Variants in MYO5A observed in about 807,000 individuals in gnomAD.
MYO5A encodes the protein unconventional myosin-Va.
In MYO5A, 98 loss-of-function variants were observed where a neutral mutation model predicts 249.7. The observed-to-expected ratio is 0.39, with a 90% confidence interval of 0.33 to 0.46. The LOEUF is 0.46. Among genes scored for constraint, MYO5A ranks in the 20% least tolerant of loss-of-function variants. The pLI is 0.98. For synonymous variants in MYO5A, 778 were observed against 810.6 expected, an observed-to-expected ratio of 0.96 and a Z score of 0.68; for missense variants, 1,696 against 2,308.8, an observed-to-expected ratio of 0.73 and a Z score of 5.44.
At chr15:52,500,230 T>C (rs1164671304) in intron 1 of MYO5A, among the ~76,000 whole-genome samples, 1 of 152,212 alleles carries the variant, frequency 6.6e-6, no homozygotes, top group African/African-American at 2.4e-5. Flanking sequence ...TGATATTTCA[T>C]TGTAGGCTAG....
intron 9 of MYO5A, among the ~76,000 whole-genome samples, chr15:52,399,375 G>A (rs940152626): frequency 1.3e-5 from 2 of 152,248 alleles, no homozygotes; most frequent in East Asian, 3.9e-4. Flanking sequence ...GTACCTCACT[G>A]TAGCCTCAAA....
At chr15:52,473,300 T>A (rs2076516828) in intron 1 of MYO5A, among the ~76,000 whole-genome samples, 1 of 152,240 alleles carries the variant, frequency 6.6e-6, no homozygotes, top group Non-Finnish European at 1.5e-5. Context: ...ATTGGCCCTT[T>A]GTCAGATGGA....
At chr15:52,472,510 C>T (rs1344541667) in intron 1 of MYO5A, among the ~76,000 whole-genome samples, 5 of 152,052 alleles carry the variant, frequency 3.3e-5, no homozygotes, top group Non-Finnish European at 4.4e-5. Context: ...TTGTCATTTA[C>T]ATTAGGTATA....
chr15:52,336,580 A>G lies in MYO5A; in HGVS notation c.4315-24T>C, dbSNP rs772208129. 5 of 1,539,508 alleles carry G rather than the reference A, an allele frequency of 3.2e-6. No homozygotes were observed. In the South Asian group the frequency reaches 5.8e-5, roughly 18 times the overall value. On this transcript the variant is annotated intron_variant, in intron 33 of 41. Transcript: ENST00000399233. ...TCCTAAAGATCAAAAAGAGAAATATATTAGAAAAATCGAAACAGGCCTTCT... is the reference window on the plus strand; with the variant it reads ...TCCTAAAGATCAAAAAGAGAAATATGTTAGAAAAATCGAAACAGGCCTTCT...
At chr15:52,521,796 A>AG (rs1478146362) in intron 1 of MYO5A, among the ~76,000 whole-genome samples, 1 of 152,248 alleles carries the variant, frequency 6.6e-6, no homozygotes, top group African/African-American at 2.4e-5. Context: ...ATGAAGAGCC[A>AG]GGGATAAGTT....
At position 52,379,828 on chromosome 15, in the gene MYO5A, G is replaced by A; in HGVS notation, c.2093C>T (p.Pro698Leu). 1 of 1,614,070 alleles carries A rather than the reference G, an allele frequency of 6.2e-7. No homozygotes were observed. Among genetic ancestry groups the A allele is most frequent in the Non-Finnish European group, 8.5e-7 (1 of 1,179,994 alleles). ...ETIRISAAGF[P>L]SRWTYQEFFS... ...TGAAAAATGCCAGGCTCACCGTGAGGGGAAACCGGCCGCACTGATTCGGAT... is the reference window on the plus strand; with the variant it reads ...TGAAAAATGCCAGGCTCACCGTGAGAGGAAACCGGCCGCACTGATTCGGAT... The change falls in exon 17 of 42, where the codon CCC becomes CTC. Residue 698 changes from proline (P) to leucine (L), a missense_variant. Physicochemically the swap from Pro to Leu is moderately conservative, Grantham distance 98. Transcript: ENST00000399233.
chr15:52,393,718 G>A (rs1026972096), intron 11 of MYO5A, among the ~76,000 whole-genome samples: 31 of 152,096 alleles, frequency 2.0e-4, no homozygotes, highest in African/African-American at 7.0e-4. Context: ...ACAGTCTAAC[G>A]AGCTATTATA....
At chr15:52,447,923 T>C (rs2075927523) in intron 1 of MYO5A, among the ~76,000 whole-genome samples, 1 of 152,240 alleles carries the variant, frequency 6.6e-6, no homozygotes, top group Non-Finnish European at 1.5e-5. Context: ...CGGAAAAGCC[T>C]GGAAGTCCAC....
At chr15:52,466,263 G>A (rs2076349850) in intron 1 of MYO5A, among the ~76,000 whole-genome samples, 1 of 152,134 alleles carries the variant, frequency 6.6e-6, no homozygotes, top group African/African-American at 2.4e-5. Flanking sequence ...ACTCAGGCTG[G>A]GGCTTGGGGA....
At chr15:52,434,672 T>C (rs1052483797) in intron 1 of MYO5A, among the ~76,000 whole-genome samples, 1 of 152,222 alleles carries the variant, frequency 6.6e-6, no homozygotes, top group East Asian at 1.9e-4. Flanking sequence ...TATACTAACA[T>C]GCACAAATCT....
At chr15:52,327,738 G>T in intron 36 of MYO5A, 114 bp downstream of exon 36, 1 of 1,130,718 alleles carries the variant, frequency 8.8e-7, no homozygotes, top group Non-Finnish European at 1.3e-6. Flanking sequence ...AATAAAAATT[G>T]GAAAGTTTTA....
chr15:52,419,117 T>A (rs2043664905), intron 4 of MYO5A, among the ~76,000 whole-genome samples: 1 of 152,244 alleles, frequency 6.6e-6, no homozygotes, highest in Non-Finnish European at 1.5e-5. Context: ...TCTATGTTGA[T>A]GTTAACTCTC....
chr15:52,472,144 T>C (rs555615027), intron 1 of MYO5A, among the ~76,000 whole-genome samples: 1 of 151,756 alleles, frequency 6.6e-6, no homozygotes, highest in African/African-American at 2.4e-5. Context: ...AGTGGCAGGA[T>C]CTCGGCTCAC....
intron 36 of MYO5A, among the ~76,000 whole-genome samples, chr15:52,326,152 G>A (rs1455105113): frequency 6.6e-6 from 1 of 152,224 alleles, no homozygotes; most frequent in Non-Finnish European, 1.5e-5. Flanking sequence ...TGGGATGTGA[G>A]ACAAATGCAC....
intron 12 of MYO5A, among the ~76,000 whole-genome samples, chr15:52,391,145 G>A (rs1005760520): frequency 6.6e-6 from 1 of 152,150 alleles, no homozygotes; most frequent in African/African-American, 2.4e-5. Flanking sequence ...ATCCTATAAA[G>A]TATGTTGAAT....
intron 9 of MYO5A, among the ~76,000 whole-genome samples, chr15:52,399,242 C>T (rs1352388828): frequency 1.3e-5 from 2 of 152,100 alleles, no homozygotes; most frequent in Admixed American, 1.3e-4. Flanking sequence ...ATATATCTTT[C>T]GAGGCTATGT....
chr15:52,402,851 A>G (rs2042823969), intron 9 of MYO5A, among the ~76,000 whole-genome samples: 1 of 152,158 alleles, frequency 6.6e-6, no homozygotes, highest in African/African-American at 2.4e-5. Context: ...TCTCAAAAAG[A>G]AAAAAACAAA....
intron 9 of MYO5A, among the ~76,000 whole-genome samples, chr15:52,402,034 C>T (rs1373920404): frequency 6.6e-6 from 1 of 152,110 alleles, no homozygotes; most frequent in Non-Finnish European, 1.5e-5. Flanking sequence ...TGATTTTTGA[C>T]TGTGAGTCAA....
chr15:52,400,009 T>G (rs774676865), intron 9 of MYO5A, among the ~76,000 whole-genome samples: 1 of 152,222 alleles, frequency 6.6e-6, no homozygotes, highest in African/African-American at 2.4e-5. Flanking sequence ...CTGGGTAGTA[T>G]TCCATGGTTA....
Sources: allele counts gnomAD v4.1 joint callset (sites outside exome capture counted in the v4.1 genomes callset), GRCh38; gene constraint gnomAD v4.1.1; transcripts MANE v1.5; gene names NCBI Gene and HGNC (gene_info 2026-07-23, HGNC 2026-07-21).